PHF2: variants seen among roughly 807,000 people sequenced by gnomAD.
PHF2 encodes PHD finger protein 2, also known as lysine-specific demethylase PHF2.
Under a neutral mutation model 120.5 loss-of-function variants are expected in PHF2, and 27 were observed. That is an observed-to-expected ratio of 0.22 (90% CI 0.17 to 0.31). The LOEUF (loss-of-function observed/expected upper bound fraction) is 0.31. Ranked by LOEUF, PHF2 falls within the 10% of genes least tolerant of loss-of-function variation. The pLI is 1.00. For missense variants in PHF2, 1,024 were observed against 1,434.8 expected (o/e 0.71, Z 4.63); for synonymous variants, 568 against 592.5 (o/e 0.96, Z 0.60).
chr9:93,597,834 T>C (rs530134698), intron 1 of PHF2, among the ~76,000 whole-genome samples: 3 of 152,262 alleles, frequency 2.0e-5, no homozygotes, highest in South Asian at 2.1e-4. Context: ...ATAGCCAAGA[T>C]TGGGGGATTT....
intron 2 of PHF2, among the ~76,000 whole-genome samples, chr9:93,630,458 T>G (rs1825982401): frequency 6.6e-6 from 1 of 152,130 alleles, no homozygotes; most frequent in Admixed American, 6.5e-5. Flanking sequence ...AGCCTGTCTG[T>G]TTTCTGGGCA....
intron 1 of PHF2, among the ~76,000 whole-genome samples, chr9:93,624,915 A>G (rs1386458072): frequency 6.6e-6 from 1 of 152,252 alleles, no homozygotes; most frequent in African/African-American, 2.4e-5. Context: ...GATGGTGGTG[A>G]TGGAGATGAT....
rs768189982 is a variant in PHF2, at chr9:93,667,093, C to T, written c.2201C>T (p.Ser734Leu). ...CTCGCGCAGCAGAGTGATGACTCCT[C>T]GGACGAGGGTTCGCTGCACATCGAC... is the stretch of plus-strand genomic sequence containing the variant. ...DSAAYKSDDS[S>L]DEGSLHIDTD... The change falls in exon 17 of 22, where the codon TCG becomes TTG. Residue 734 changes from serine (S) to leucine (L), a missense_variant. Coordinates refer to ENST00000359246, the MANE Select transcript of PHF2 (RefSeq NM_005392.4). 6.8e-6 allele frequency: 11 copies of T among 1,612,958 alleles called. No individual in the cohort carries two copies. The highest frequency in any genetic ancestry group is 3.3e-5 in the South Asian group (3 of 91,032).
At chr9:93,653,786 C>G (rs1027459809) in intron 6 of PHF2, among the ~76,000 whole-genome samples, 1 of 152,088 alleles carries the variant, frequency 6.6e-6, no homozygotes, top group East Asian at 1.9e-4. Flanking sequence ...GAGAGGGAAG[C>G]CAGAAGAAAA....
chr9:93,577,878 C>T (rs1862861847), intron 1 of PHF2, among the ~76,000 whole-genome samples: 2 of 152,188 alleles, frequency 1.3e-5, no homozygotes, highest in Admixed American at 6.5e-5. Flanking sequence ...AACAGGTTCT[C>T]TTGCATCTGA....
chr9:93,623,499 G>C (rs968144482), intron 1 of PHF2, among the ~76,000 whole-genome samples: 3 of 152,094 alleles, frequency 2.0e-5, no homozygotes, highest in African/African-American at 4.8e-5. Context: ...CCTGGCTTTG[G>C]GCCTTTGCTT....
chr9:93,644,891 G>A (rs10821188), intron 3 of PHF2, among the ~76,000 whole-genome samples: 54,090 of 152,008 alleles, frequency 0.36, 10,026 homozygotes, highest in Non-Finnish European at 0.4. Flanking sequence ...GGCCCCTCTC[G>A]TCTGCCTCTG....
At chr9:93,660,110 T>C in intron 11 of PHF2, 82 bp from the exon 12 acceptor site, 1 of 1,437,618 alleles carries the variant, frequency 7.0e-7, no homozygotes, top group Non-Finnish European at 9.2e-7. Context: ...GCACTGAGTG[T>C]CTCCAGCATC....
At chr9:93,591,594 C>T (rs1048741432) in intron 1 of PHF2, among the ~76,000 whole-genome samples, 1 of 152,194 alleles carries the variant, frequency 6.6e-6, no homozygotes, top group Non-Finnish European at 1.5e-5. Context: ...CTTTCCCTTA[C>T]ACTGAATTTT....
At chr9:93,587,573 T>TAGTGGAGGGAGGAGCCCC (rs1863078766) in intron 1 of PHF2, among the ~76,000 whole-genome samples, 1 of 14,824 alleles carries the variant, frequency 6.7e-5, no homozygotes. Context: ...GGAGGAGTCC[T>TAGTGGAGGGAGGAGCCCC]GGGTGAGAGA....
chr9:93,598,656 C>A (rs1226518239), intron 1 of PHF2, among the ~76,000 whole-genome samples: 1 of 152,166 alleles, frequency 6.6e-6, no homozygotes, highest in Non-Finnish European at 1.5e-5. Flanking sequence ...CCCTGGCAGG[C>A]CCCACTGAGG....
At chr9:93,653,392 TG>T (rs1409353149) in intron 6 of PHF2, 27 bp downstream of exon 6, 1 of 1,608,584 alleles carries the variant, frequency 6.2e-7, no homozygotes, top group East Asian at 2.2e-5. Flanking sequence ...GGGGCACCTC[TG>T]CCTTGCCATG....
At chr9:93,607,006 G>C (rs557993619) in intron 1 of PHF2, among the ~76,000 whole-genome samples, 4 of 152,160 alleles carry the variant, frequency 2.6e-5, no homozygotes, top group Non-Finnish European at 5.9e-5. Context: ...TTGGTTGACT[G>C]TATTTGTGTG....
At chr9:93,664,519 C>T (rs904331698) in intron 14 of PHF2, among the ~76,000 whole-genome samples, 1 of 152,154 alleles carries the variant, frequency 6.6e-6, no homozygotes, top group Non-Finnish European at 1.5e-5. Context: ...ACTAACTTGG[C>T]CAGGTTGTAG....
At chr9:93,630,771 C>T (rs1215105839) in intron 2 of PHF2, among the ~76,000 whole-genome samples, 3 of 152,060 alleles carry the variant, frequency 2.0e-5, no homozygotes, top group Non-Finnish European at 4.4e-5. Flanking sequence ...TGCAAGGACT[C>T]GGGAGGGGTG....
chr9:93,657,384 A>G (rs1826479973), intron 9 of PHF2, among the ~76,000 whole-genome samples: 1 of 152,058 alleles, frequency 6.6e-6, no homozygotes, highest in Admixed American at 6.5e-5. Flanking sequence ...CCAAATCTGG[A>G]GCCCTGAGCT....
chr9:93,587,797 CTG>C (rs1254080101), intron 1 of PHF2, among the ~76,000 whole-genome samples: 1 of 152,158 alleles, frequency 6.6e-6, no homozygotes, highest in Non-Finnish European at 1.5e-5. Flanking sequence ...CAGCCTGTGT[CTG>C]TGTAGCCAGC....
chr9:93,649,701 G>A (rs1826329879), intron 5 of PHF2, among the ~76,000 whole-genome samples: 1 of 150,950 alleles, frequency 6.6e-6, no homozygotes, highest in Admixed American at 6.6e-5. Flanking sequence ...CACTCACACT[G>A]ACTCATGGAC....
chr9:93,579,765 G>C (rs1862899146), intron 1 of PHF2, among the ~76,000 whole-genome samples: 1 of 152,230 alleles, frequency 6.6e-6, no homozygotes, highest in South Asian at 2.1e-4. Flanking sequence ...ATTGGAGAGA[G>C]GGTCTCTAAG....
Sources: allele counts gnomAD v4.1 joint callset (sites outside exome capture counted in the v4.1 genomes callset), GRCh38; gene constraint gnomAD v4.1.1; transcripts MANE v1.5; gene names NCBI Gene and HGNC (gene_info 2026-07-23, HGNC 2026-07-21).